Variants in TRPC5OS observed in about 807,000 individuals in gnomAD.
TRPC5OS encodes putative uncharacterized protein TRPC5OS.
For synonymous variants in TRPC5OS, 30 were observed against 29.3 expected (o/e 1.02, Z -0.08); for missense variants, 64 against 79.3 (o/e 0.81, Z 0.73).
chrX:111,884,127 G>A (rs1924359601), intron 1 of TRPC5OS, among the ~76,000 whole-genome samples: 1 of 112,443 alleles, frequency 8.9e-6, no homozygotes, highest in African/African-American at 3.2e-5. Flanking sequence ...GTATAGCCAG[G>A]GCTTACATTT....
Position 111,902,986 on chromosome X carries a change from C to G in TRPC5OS, c.*801C>G, listed in dbSNP as rs1205562717. ...GACTATTCACCAATGGAAAGACAAA[C>G]ACTCACCATATTGGACTAAATATCT... On this transcript the variant is annotated 3_prime_UTR_variant, in exon 4 of 4. Coordinates refer to ENST00000635763, the MANE Select transcript of TRPC5OS (RefSeq NM_001195578.2). 1 of 111,929 alleles carries G rather than the reference C, an allele frequency of 8.9e-6. No homozygotes were observed. The highest frequency in any genetic ancestry group is 3.2e-5 in the African/African-American group (1 of 30,860). 9.2% of individuals were successfully genotyped at this position (111,929 alleles called of 1,213,427 possible).
chrX:111,883,520 G>A (rs1924330360), intron 1 of TRPC5OS, among the ~76,000 whole-genome samples: 1 of 112,790 alleles, frequency 8.9e-6, no homozygotes, highest in Non-Finnish European at 1.9e-5. Context: ...GACCTAGCTA[G>A]AGCCTAAGCC....
intron 3 of TRPC5OS, among the ~76,000 whole-genome samples, chrX:111,899,136 G>T (rs1215579723): frequency 9.2e-6 from 1 of 108,965 alleles, no homozygotes; most frequent in Non-Finnish European, 1.9e-5. Flanking sequence ...CTGAGATTGA[G>T]AATAAAAAAT....
intron 1 of TRPC5OS, among the ~76,000 whole-genome samples, chrX:111,879,807 G>T (rs1303322405): frequency 2.7e-5 from 3 of 112,376 alleles, no homozygotes; most frequent in African/African-American, 9.7e-5. Context: ...ATAGCTACAA[G>T]GTGACAAGAG....
chrX:111,903,983 C>CA lies in TRPC5OS; in HGVS notation c.*1805dup, dbSNP rs1445235464. 1 of 111,672 alleles carries CA rather than the reference C, an allele frequency of 9.0e-6. No homozygotes were observed. Among genetic ancestry groups the CA allele is most frequent in the East Asian group, 2.8e-4 (1 of 3,587 alleles). The allele number at this position is 111,672 out of a possible 1,213,427, so 9.2% of individuals were successfully genotyped here. ...AACTAATAAACTTTCATTCACAAAT[C>CA]AAAAAAACGTGTGGTCATCTTAAAT... is the stretch of plus-strand genomic sequence containing the variant. On this transcript the variant is annotated 3_prime_UTR_variant, in exon 4 of 4. Coordinates refer to ENST00000635763, the MANE Select transcript of TRPC5OS (RefSeq NM_001195578.2).
chrX:111,890,492 T>G (rs1476004898), intron 1 of TRPC5OS, among the ~76,000 whole-genome samples: 1 of 111,614 alleles, frequency 9.0e-6, no homozygotes. Flanking sequence ...CTAAACCATT[T>G]CATATCAGGG....
chrX:111,898,254 TATATATA>T lies in TRPC5OS; in HGVS notation c.-311+1760_-311+1766del, dbSNP rs1472278202. Among the ~76,000 whole-genome samples the T allele has an allele frequency of 5.1e-3, 312 of 61,687 alleles. 2 individuals carry two copies. In the African/African-American group the frequency reaches 0.089, roughly 18 times the overall value. 53.6% of individuals were successfully genotyped at this position (61,687 alleles called of 115,157 possible). A position where few individuals can be genotyped will look rare whatever the true frequency, so the allele number is the denominator to read the frequency against. ...TATTATTGAGTTGTAGGGGTTCTTA[TATATATA>T]TATATATATATATATAGACACACAC... On this transcript the variant is annotated intron_variant, in intron 3 of 3. Coordinates refer to ENST00000635763, the MANE Select transcript of TRPC5OS (RefSeq NM_001195578.2).
At chrX:111,880,940 C>G (rs1420392034) in intron 1 of TRPC5OS, among the ~76,000 whole-genome samples, 3 of 111,487 alleles carry the variant, frequency 2.7e-5, no homozygotes, top group African/African-American at 9.8e-5. Context: ...TGATAACTAA[C>G]TGTGGAGAGT....
At chrX:111,880,104 A>G (rs1924141168) in intron 1 of TRPC5OS, among the ~76,000 whole-genome samples, 2 of 110,872 alleles carry the variant, frequency 1.8e-5, no homozygotes, top group South Asian at 3.8e-4. Context: ...TTTTTTAACC[A>G]CATGGCTATT....
chrX:111,888,510 CAAA>C (rs200585074), intron 1 of TRPC5OS, among the ~76,000 whole-genome samples: 2 of 65,295 alleles, frequency 3.1e-5, no homozygotes, highest in Non-Finnish European at 3.1e-5. Context: ...CCGTCTCTAC[CAAA>C]AAAAAAAAAA....
At chrX:111,883,743 T>A (rs1056629619) in intron 1 of TRPC5OS, among the ~76,000 whole-genome samples, 1 of 112,849 alleles carries the variant, frequency 8.9e-6, no homozygotes, top group Non-Finnish European at 1.9e-5. Flanking sequence ...AGCCAGGGCC[T>A]AAGCCTAATT....
At chrX:111,888,430 T>C (rs187861594) in intron 1 of TRPC5OS, among the ~76,000 whole-genome samples, 31 of 106,425 alleles carry the variant, frequency 2.9e-4, no homozygotes, top group African/African-American at 1.0e-3. Flanking sequence ...ATCCCAGAAC[T>C]TTGGGAGGCC....
At chrX:111,897,562 G>A (rs1925128373) in intron 3 of TRPC5OS, among the ~76,000 whole-genome samples, 1 of 111,113 alleles carries the variant, frequency 9.0e-6, no homozygotes, top group African/African-American at 3.3e-5. Flanking sequence ...ATAAATGCAA[G>A]CACTATTCTG....
chrX:111,876,505 C>A (rs757055152), intron 1 of TRPC5OS, among the ~76,000 whole-genome samples: 2 of 111,721 alleles, frequency 1.8e-5, no homozygotes, highest in African/African-American at 3.3e-5. Context: ...TATGTAAATT[C>A]TCTTTTTCCT....
At chrX:111,881,728 C>G (rs1318078505) in intron 1 of TRPC5OS, among the ~76,000 whole-genome samples, 1 of 110,336 alleles carries the variant, frequency 9.1e-6, no homozygotes, top group Non-Finnish European at 1.9e-5. Flanking sequence ...AGTAAACTGC[C>G]AATTGCTCAT....
intron 3 of TRPC5OS, among the ~76,000 whole-genome samples, chrX:111,896,760 G>T (rs1048821468): frequency 1.8e-5 from 2 of 111,759 alleles, no homozygotes; most frequent in African/African-American, 6.5e-5. Flanking sequence ...CTAAATTTGT[G>T]CCCTCTAGCA....
chrX:111,877,224 T>C (rs1026493444), intron 1 of TRPC5OS, among the ~76,000 whole-genome samples: 1 of 111,650 alleles, frequency 9.0e-6, no homozygotes, highest in African/African-American at 3.3e-5. Context: ...AAAGAAGATA[T>C]TTTGGAGATA....
intron 1 of TRPC5OS, among the ~76,000 whole-genome samples, chrX:111,888,638 G>T (rs192431946): frequency 1.2e-3 from 113 of 95,116 alleles, no homozygotes; most frequent in African/African-American, 4.2e-3. Context: ...AGGTTGTGGT[G>T]AGCTGAGATC....
In TRPC5OS at chrX:111,893,950, T is replaced by C. The variant is rs1239929911; in HGVS notation, c.-545-2001T>C. 2.7e-5 allele frequency among the ~76,000 whole-genome samples: 3 copies of C among 112,116 alleles called. No homozygotes were observed. In the East Asian group the frequency reaches 8.4e-4, roughly 31 times the overall value. On this transcript the variant is annotated intron_variant, in intron 1 of 3. Transcript: ENST00000635763. The stretch of plus-strand genomic sequence containing the variant: ...GAACATTTGCCCTTTGTGGATAAAG[T>C]TCTCTTGATGTTTCCTCAAGGGGTG...
Sources: allele counts gnomAD v4.1 joint callset (sites outside exome capture counted in the v4.1 genomes callset), GRCh38; gene constraint gnomAD v4.1.1; transcripts MANE v1.5; gene names NCBI Gene and HGNC (gene_info 2026-07-23, HGNC 2026-07-21).